Variants in RIMS3 observed in about 807,000 individuals in gnomAD.
RIMS3 encodes regulating synaptic membrane exocytosis 3.
In RIMS3, 15 loss-of-function variants were observed where a neutral mutation model predicts 29.2. The observed-to-expected ratio is 0.51, with a 90% CI of 0.34 to 0.79. The LOEUF is 0.79. Among genes scored for constraint, RIMS3 ranks in the 30% least tolerant of loss-of-function variants. The pLI is 0.01. For synonymous variants in RIMS3, 161 were observed against 170.1 expected (o/e 0.95, Z 0.41); for missense variants, 342 against 421.4 (o/e 0.81, Z 1.65).
intron 5 of RIMS3, among the ~76,000 whole-genome samples, chr1:40,632,463 T>TG (rs1646495861): frequency 9.2e-6 from 1 of 108,344 alleles, no homozygotes; most frequent in Non-Finnish European, 1.9e-5. Flanking sequence ...TATATATATA[T>TG]GCCATCTAGG....
At chr1:40,683,416 G>T in the RIMS3 span, among the ~76,000 whole-genome samples, 21 of 152,168 alleles carry the variant, frequency 1.4e-4, no homozygotes, top group African/African-American at 4.8e-4. Flanking sequence ...CCAGATAAAA[G>T]GATACGTTTG....
chr1:40,642,551 T>C (rs1646565507), intron 2 of RIMS3, among the ~76,000 whole-genome samples: 1 of 152,178 alleles, frequency 6.6e-6, no homozygotes, highest in African/African-American at 2.4e-5. Flanking sequence ...TTTATCGTAC[T>C]CTTGAGAGGC....
chr1:40,638,114 G>C (rs1570178496), intron 3 of RIMS3, among the ~76,000 whole-genome samples: 1 of 152,264 alleles, frequency 6.6e-6, no homozygotes, highest in South Asian at 2.1e-4. Context: ...TGAAATCTTA[G>C]AGATACTTTG....
chr1:40,648,215 T>C (rs1646607690), intron 1 of RIMS3, among the ~76,000 whole-genome samples: 1 of 152,170 alleles, frequency 6.6e-6, no homozygotes, highest in African/African-American at 2.4e-5. Context: ...TGCCAAGCAG[T>C]TGGGGGACAC....
rs1290369321 is a variant in RIMS3, at chr1:40,622,238, T to C, written c.*4279A>G. On this transcript the variant is annotated 3_prime_UTR_variant, in exon 8 of 8. Coordinates refer to ENST00000372684, the MANE Select transcript of RIMS3 (RefSeq NM_014747.3). ...CTCTCTTTGGCATCACTGACATTGCTCTGAGATGCTCAGGCACGCTTTTAA... is the reference window on the plus strand; with the variant it reads ...CTCTCTTTGGCATCACTGACATTGCCCTGAGATGCTCAGGCACGCTTTTAA... 6.5e-6 allele frequency: 1 copy of C among 152,722 alleles called. No individual in the cohort carries two copies. Among genetic ancestry groups the C allele is most frequent in the Non-Finnish European group, 1.5e-5 (1 of 68,090 alleles). 9.5% of individuals were successfully genotyped at this position (152,722 alleles called of 1,614,324 possible).
At position 40,623,715 on chromosome 1, in the gene RIMS3, A is replaced by C. The variant is rs1252278866; in HGVS notation, c.*2802T>G. On this transcript the variant is annotated 3_prime_UTR_variant, in exon 8 of 8. Coordinates refer to ENST00000372684, the MANE Select transcript of RIMS3 (RefSeq NM_014747.3). ...TCCCCCACCCCAGCAAACAACCAGG[A>C]GTTACACTTGTGCATTCTCCTCTTC... 5 of 380,628 alleles carry C rather than the reference A, an allele frequency of 1.3e-5. No individual in the cohort carries two copies. Among genetic ancestry groups the C allele is most frequent in the Non-Finnish European group, 2.3e-5 (5 of 220,266 alleles). 23.6% of individuals were successfully genotyped at this position (380,628 alleles called of 1,614,324 possible).
chr1:40,687,181 C>A, the RIMS3 span, among the ~76,000 whole-genome samples: 1 of 152,068 alleles, frequency 6.6e-6, no homozygotes, highest in African/African-American at 2.4e-5. Flanking sequence ...TTACCAGAGG[C>A]TGGGGAAAAG....
chr1:40,648,311 AC>A (rs1417259342), intron 1 of RIMS3, among the ~76,000 whole-genome samples: 3 of 152,022 alleles, frequency 2.0e-5, no homozygotes, highest in Non-Finnish European at 4.4e-5. Flanking sequence ...CCTCTACAAA[AC>A]GAGTCTAATC....
In RIMS3 at chr1:40,623,242, C is replaced by T; in HGVS notation, c.*3275G>A. On this transcript the variant is annotated 3_prime_UTR_variant, in exon 8 of 8. Transcript: ENST00000372684. ...TAGTAGAATTGGGTGGTAGAAGAAA[C>T]CAGATGGGGAGTCATTTTGGAGATG... 1 of 395,978 alleles carries T rather than the reference C, an allele frequency of 2.5e-6. No homozygotes were observed. The allele number at this position is 395,978 out of a possible 1,614,324, so 24.5% of individuals were successfully genotyped here. A position where few individuals can be genotyped will look rare whatever the true frequency, so the allele number is the denominator to read the frequency against.
the RIMS3 span, among the ~76,000 whole-genome samples, chr1:40,672,389 G>A: frequency 7.2e-5 from 11 of 151,886 alleles, no homozygotes; most frequent in South Asian, 1.0e-3. Flanking sequence ...TAGTAGAGAC[G>A]GGGTTTCACC....
At position 40,661,533 on chromosome 1, in the gene RIMS3, G is replaced by T. The variant is rs749275069; in HGVS notation, c.-207+3861C>A. 2.0e-5 allele frequency among the ~76,000 whole-genome samples: 3 copies of T among 152,262 alleles called. No homozygotes were observed. The South Asian group carries it at 6.2e-4, about 32-fold the overall frequency. ...AGTGTGGGGTCCTTCTAGGCGCAGG[G>T]CCCTGCGTGACCACTGACTCTTGAA... is the stretch of plus-strand genomic sequence containing the variant. On this transcript the variant is annotated intron_variant, in intron 1 of 7. Coordinates refer to ENST00000372684, the MANE Select transcript of RIMS3 (RefSeq NM_014747.3).
intron 3 of RIMS3, among the ~76,000 whole-genome samples, chr1:40,639,019 C>T (rs1178977189): frequency 6.6e-6 from 1 of 152,142 alleles, no homozygotes; most frequent in Non-Finnish European, 1.5e-5. Context: ...TGCAATCGTC[C>T]AGGCTAGATA....
the RIMS3 span, among the ~76,000 whole-genome samples, chr1:40,690,001 T>C: frequency 2.0e-5 from 3 of 152,204 alleles, no homozygotes; most frequent in East Asian, 3.8e-4. Flanking sequence ...CTACTTGTTG[T>C]TAAATATACT....
the RIMS3 span, chr1:40,681,525 T>C: frequency 6.6e-6 from 1 of 152,132 alleles, no homozygotes; most frequent in Admixed American, 6.5e-5. Context: ...TTGGAGAAAT[T>C]ACACGTCTTC....
At chr1:40,674,496 T>C in the RIMS3 span, among the ~76,000 whole-genome samples, 1 of 152,216 alleles carries the variant, frequency 6.6e-6, no homozygotes, top group Non-Finnish European at 1.5e-5. Flanking sequence ...CAATGGTGTA[T>C]ACTATGGTGT....
the RIMS3 span, among the ~76,000 whole-genome samples, chr1:40,678,653 T>A: frequency 6.6e-6 from 1 of 152,074 alleles, no homozygotes; most frequent in African/African-American, 2.4e-5. Context: ...TGGGGACAGG[T>A]GAGGAAGCAG....
intron 1 of RIMS3, among the ~76,000 whole-genome samples, chr1:40,660,409 G>A (rs1169774269): frequency 7.5e-5 from 11 of 147,078 alleles, no homozygotes; most frequent in Admixed American, 1.4e-4. Flanking sequence ...ACAGGGTCTC[G>A]CTTTGTCACC....
chr1:40,665,775 G>T (rs1642417354), upstream of RIMS3: 2 of 152,910 alleles, frequency 1.3e-5, no homozygotes, highest in Admixed American at 1.3e-4. Context: ...GGACCTTGGT[G>T]GTGGGCGGGG....
rs1646428184 is a variant in RIMS3 at position 40,622,522 on chromosome 1, A to T, written c.*3995T>A. 1 of 152,286 alleles carries T rather than the reference A, an allele frequency of 6.6e-6. No individual in the cohort carries two copies. Among genetic ancestry groups the T allele is most frequent in the African/African-American group, 2.4e-5 (1 of 41,446 alleles). The allele number at this position is 152,286 out of a possible 1,614,324, so 9.4% of individuals were successfully genotyped here. Reference sequence around the variant, plus strand: ...TACATGTCAGGATACTGGAGAAGAAAACTCTGAGGAGTGGAAGAGAAAGGT... The same window carrying T: ...TACATGTCAGGATACTGGAGAAGAATACTCTGAGGAGTGGAAGAGAAAGGT... On this transcript the variant is annotated 3_prime_UTR_variant, in exon 8 of 8. Coordinates refer to ENST00000372684, the MANE Select transcript of RIMS3 (RefSeq NM_014747.3).
Sources: gnomAD v4.1 joint callset for allele counts (sites outside exome capture counted in the v4.1 genomes callset) on GRCh38, gnomAD v4.1.1 for gene constraint, MANE v1.5 for transcripts, NCBI Gene and HGNC (gene_info 2026-07-23, HGNC 2026-07-21) for gene names.